DPP10: variants seen among roughly 807,000 people sequenced by gnomAD.
The protein encoded by DPP10 is dipeptidyl peptidase like 10.
Under a neutral mutation model 120.9 loss-of-function variants are expected in DPP10, and 33 were observed. That is an observed-to-expected ratio of 0.27 (90% CI 0.21 to 0.37). DPP10 has a LOEUF of 0.37. DPP10 is among the 10% of genes least tolerant of loss of function. The pLI is 1.00. For missense variants in DPP10, 816 were observed against 942.8 expected, an observed-to-expected ratio of 0.87 and a Z score of 1.76; for synonymous variants, 337 against 326.1, an observed-to-expected ratio of 1.03 and a Z score of -0.36.
intron 1 of DPP10, among the ~76,000 whole-genome samples, chr2:114,856,887 A>G (rs1025259340): frequency 2.6e-5 from 4 of 152,226 alleles, no homozygotes; most frequent in Non-Finnish European, 4.4e-5. Context: ...GACAATGATT[A>G]CAGTGATAGT....
Position 114,630,759 on chromosome 2 carries a change from G to A in DPP10, c.60+187921G>A, listed in dbSNP as rs142737851. On this transcript the variant is annotated intron_variant, in intron 1 of 25. Coordinates refer to ENST00000410059, the MANE Select transcript of DPP10 (RefSeq NM_020868.6). Reference sequence around the variant, plus strand: ...ATTTGACAGATTGAGAGAATGTGGTGTAGATTACAAAAGAGTTTTAGAAAA... The same window carrying A: ...ATTTGACAGATTGAGAGAATGTGGTATAGATTACAAAAGAGTTTTAGAAAA... Among the ~76,000 whole-genome samples the A allele has an allele frequency of 3.8e-4, 58 of 152,296 alleles. No homozygotes were observed. In the East Asian group the frequency reaches 0.01, roughly 27 times the overall value.
intron 1 of DPP10, among the ~76,000 whole-genome samples, chr2:115,005,973 T>A (rs1204339954): frequency 5.3e-5 from 8 of 151,996 alleles, no homozygotes; most frequent in Non-Finnish European, 8.8e-5. Context: ...GAGAGAAAGG[T>A]CGGGTTACCC....
At chr2:115,652,802 A>G (rs1459546038) in intron 5 of DPP10, among the ~76,000 whole-genome samples, 2 of 151,820 alleles carry the variant, frequency 1.3e-5, no homozygotes, top group South Asian at 2.1e-4. Context: ...GGCTGTCTGT[A>G]TTACTCAGTC....
At chr2:115,333,136 G>A (rs1384797302) in intron 2 of DPP10, among the ~76,000 whole-genome samples, 1 of 152,078 alleles carries the variant, frequency 6.6e-6, no homozygotes, top group Non-Finnish European at 1.5e-5. Flanking sequence ...ATTTAGGATT[G>A]TTAGCTTTTC....
chr2:115,283,409 T>C (rs1185360109), intron 1 of DPP10, among the ~76,000 whole-genome samples: 2 of 152,088 alleles, frequency 1.3e-5, no homozygotes, highest in Admixed American at 1.3e-4. Flanking sequence ...TTACATTGGC[T>C]AATTCTTCTC....
intron 4 of DPP10, among the ~76,000 whole-genome samples, chr2:115,520,848 CTAGT>C (rs1156587446): frequency 1.3e-5 from 2 of 152,152 alleles, no homozygotes; most frequent in East Asian, 3.9e-4. Flanking sequence ...TTTTCTACCT[CTAGT>C]TATAATGTTT....
intron 5 of DPP10, among the ~76,000 whole-genome samples, chr2:115,646,609 C>T (rs750106086): frequency 6.6e-5 from 10 of 152,078 alleles, no homozygotes; most frequent in Admixed American, 1.3e-4. Flanking sequence ...GGGATTCCTA[C>T]GTAGATGGCT....
intron 3 of DPP10, among the ~76,000 whole-genome samples, chr2:115,367,889 T>G (rs1363601249): frequency 6.6e-6 from 1 of 152,038 alleles, no homozygotes; most frequent in Non-Finnish European, 1.5e-5. Context: ...CTCATTATTC[T>G]AGGTTTTAGA....
At chr2:114,697,504 A>T (rs1339315711) in intron 1 of DPP10, among the ~76,000 whole-genome samples, 1 of 152,038 alleles carries the variant, frequency 6.6e-6, no homozygotes, top group East Asian at 1.9e-4. Flanking sequence ...TAATCCCAGC[A>T]CTTTGGGAGG....
chr2:115,762,734 T>C (rs1051545085), intron 12 of DPP10, 124 bp downstream of exon 12: 5 of 1,088,362 alleles, frequency 4.6e-6, no homozygotes, highest in Non-Finnish European at 6.8e-6. Flanking sequence ...AGAGTGATCC[T>C]TTTTCATTAA....
At chr2:115,216,062 A>G (rs2056799309) in intron 1 of DPP10, among the ~76,000 whole-genome samples, 1 of 152,192 alleles carries the variant, frequency 6.6e-6, no homozygotes, top group Non-Finnish European at 1.5e-5. Context: ...ACAGAAGTCA[A>G]ATATCACATG....
intron 1 of DPP10, among the ~76,000 whole-genome samples, chr2:114,670,615 A>G (rs907597966): frequency 2.6e-5 from 4 of 152,082 alleles, no homozygotes; most frequent in Non-Finnish European, 5.9e-5. Context: ...CACCAGCATG[A>G]CACATGTATA....
At chr2:115,502,023 G>A (rs116409948) in intron 4 of DPP10, among the ~76,000 whole-genome samples, 3,697 of 151,998 alleles carry the variant, frequency 0.024, 147 homozygotes, top group African/African-American at 0.084. Context: ...ATATACTATT[G>A]ATGAAAATGT....
At chr2:114,444,555 G>A (rs912425286) in intron 1 of DPP10, among the ~76,000 whole-genome samples, 4 of 134,478 alleles carry the variant, frequency 3.0e-5, no homozygotes, top group African/African-American at 1.0e-4. Flanking sequence ...GGCATTGGCT[G>A]CCCACAAACA....
Position 114,987,047 on chromosome 2 carries a change from T to C in DPP10, c.61-322192T>C, listed in dbSNP as rs912983360. 2.0e-5 allele frequency among the ~76,000 whole-genome samples: 3 copies of C among 152,134 alleles called. No homozygotes were observed. In the South Asian group the frequency reaches 6.2e-4, roughly 32 times the overall value. ...CTCCCACCTCGGCCTCCCAAAGTGC[T>C]GGGATTACAGGCGTGAACCACTGCA... On this transcript the variant is annotated intron_variant, in intron 1 of 25. Transcript: ENST00000410059.
At chr2:115,831,842 G>A (rs1460275346) in intron 21 of DPP10, among the ~76,000 whole-genome samples, 1 of 152,146 alleles carries the variant, frequency 6.6e-6, no homozygotes, top group Admixed American at 6.5e-5. Flanking sequence ...TAAAATGCTT[G>A]GCAAATGGGA....
At chr2:115,386,654 A>C (rs534740781) in intron 3 of DPP10, among the ~76,000 whole-genome samples, 1 of 152,300 alleles carries the variant, frequency 6.6e-6, no homozygotes, top group South Asian at 2.1e-4. Context: ...TCAAGAGATT[A>C]GCTTCTATCC....
At chr2:115,151,779 T>C (rs983459537) in intron 1 of DPP10, among the ~76,000 whole-genome samples, 3 of 151,772 alleles carry the variant, frequency 2.0e-5, no homozygotes, top group South Asian at 2.1e-4. Flanking sequence ...ATAACATTCA[T>C]GGATCTTTTT....
chr2:114,667,072 C>T (rs941117460), intron 1 of DPP10, among the ~76,000 whole-genome samples: 2 of 152,172 alleles, frequency 1.3e-5, no homozygotes. Context: ...GCCATAGACA[C>T]TATGCAAATG....
Sources: gnomAD v4.1 joint callset for allele counts (sites outside exome capture counted in the v4.1 genomes callset) on GRCh38, gnomAD v4.1.1 for gene constraint, MANE v1.5 for transcripts, NCBI Gene and HGNC (gene_info 2026-07-23, HGNC 2026-07-21) for gene names.